NCOR2: variants seen among roughly 807,000 people sequenced by gnomAD.
The protein encoded by NCOR2 is nuclear receptor corepressor 2.
Under a neutral mutation model 262.9 loss-of-function variants are expected in NCOR2, and 81 were observed. The observed-to-expected ratio is 0.31, with a 90% CI of 0.26 to 0.37. The LOEUF (loss-of-function observed/expected upper bound fraction) is 0.37, where lower values mean the gene tolerates loss of function less well. Among genes scored for constraint, NCOR2 ranks in the 10% least tolerant of loss-of-function variants. The pLI is 1.00. For synonymous variants in NCOR2, 1,659 were observed against 1,559.3 expected (o/e 1.06, Z -1.51); for missense variants, 3,385 against 3,621.4 (o/e 0.93, Z 1.68).
intron 22 of NCOR2, among the ~76,000 whole-genome samples, chr12:124,360,762 C>T (rs1393292013): frequency 2.0e-5 from 3 of 152,120 alleles, no homozygotes; most frequent in Non-Finnish European, 2.9e-5. Context: ...GCCCGCAATG[C>T]CCACCCAGAG....
At chr12:124,406,105 T>C (rs2042259816) in intron 13 of NCOR2, among the ~76,000 whole-genome samples, 2 of 152,228 alleles carry the variant, frequency 1.3e-5, no homozygotes, top group Admixed American at 1.3e-4. Context: ...TACCAGGGAC[T>C]GGCAAACGTT....
At chr12:124,545,924 G>A (rs772072675) in intron 1 of NCOR2, among the ~76,000 whole-genome samples, 10 of 152,176 alleles carry the variant, frequency 6.6e-5, no homozygotes, top group East Asian at 3.8e-4. Flanking sequence ...CAGAGTCTCC[G>A]TGTCACCCAG....
At chr12:124,392,002 T>C (rs900122204) in intron 16 of NCOR2, among the ~76,000 whole-genome samples, 6 of 152,364 alleles carry the variant, frequency 3.9e-5, no homozygotes, top group African/African-American at 1.4e-4. Context: ...CCTCTGGCCT[T>C]GGTCTTCTCC....
chr12:124,386,475 G>A (rs1006992079), intron 16 of NCOR2, among the ~76,000 whole-genome samples: 2 of 152,046 alleles, frequency 1.3e-5, no homozygotes, highest in Non-Finnish European at 2.9e-5. Flanking sequence ...GCACCTCCAG[G>A]GCCCAAACTC....
chr12:124,430,969 C>T (rs2043878779), intron 8 of NCOR2, among the ~76,000 whole-genome samples, 182 bp from the exon 11 acceptor site: 1 of 151,938 alleles, frequency 6.6e-6, no homozygotes, highest in South Asian at 2.1e-4. Context: ...CACACACATA[C>T]AGTCAGATAC....
intron 1 of NCOR2, among the ~76,000 whole-genome samples, chr12:124,520,017 G>A (rs1273834375): frequency 1.3e-5 from 2 of 152,232 alleles, no homozygotes; most frequent in African/African-American, 4.8e-5. Flanking sequence ...GACCAGATTT[G>A]CCTGTGACAG....
chr12:124,452,284 G>A (rs529063507), intron 6 of NCOR2, among the ~76,000 whole-genome samples: 32 of 152,342 alleles, frequency 2.1e-4, no homozygotes, highest in African/African-American at 7.2e-4. Flanking sequence ...AGATGCCCAT[G>A]CTGTAACCCG....
At chr12:124,537,484 C>T (rs79601641), upstream of NCOR2, among the ~76,000 whole-genome samples, 6,154 of 152,300 alleles carry the variant, frequency 0.04, 394 homozygotes, top group African/African-American at 0.14. Flanking sequence ...CTGGCCTCCA[C>T]CCTCTCCTAG....
chr12:124,376,764 CT>C (rs1307823432), intron 18 of NCOR2, among the ~76,000 whole-genome samples: 2 of 152,226 alleles, frequency 1.3e-5, no homozygotes, highest in African/African-American at 4.8e-5. Context: ...CTTGCACCTT[CT>C]GCCAGGGAGA....
At chr12:124,329,509 G>C (rs1306880201) in intron 44 of NCOR2, among the ~76,000 whole-genome samples, 1 of 151,922 alleles carries the variant, frequency 6.6e-6, no homozygotes, top group African/African-American at 2.4e-5. Context: ...AGTCGAGGTG[G>C]GAGGATCCTC....
At chr12:124,433,193 G>A (rs1002566081) in intron 8 of NCOR2, among the ~76,000 whole-genome samples, 1 of 152,228 alleles carries the variant, frequency 6.6e-6, no homozygotes, top group Non-Finnish European at 1.5e-5. Flanking sequence ...GCTGTGCCAG[G>A]AACGCGCTGG....
Position 124,566,273 on chromosome 12 carries a change from C to A in NCOR2, c.-165+1035G>T, listed in dbSNP as rs2052234135. ...AGCCGACAGAACAGATCCGCCCCCG[C>A]TGCCTGCACCAGACCCTCGGAGAGC... On this transcript the variant is annotated intron_variant, in intron 1 of 32. Coordinates refer to the NCOR2 transcript ENST00000458234. The surrounding 1 kb of genome is among the most constrained non-coding windows in gnomAD (Gnocchi z 4.3). 6.6e-6 allele frequency among the ~76,000 whole-genome samples: 1 copy of A among 152,260 alleles called. No homozygotes were observed. The highest frequency in any genetic ancestry group is 1.5e-5 in the Non-Finnish European group (1 of 68,054).
chr12:124,438,553 C>A (rs1381325103), intron 7 of NCOR2, among the ~76,000 whole-genome samples: 7 of 151,932 alleles, frequency 4.6e-5, no homozygotes, highest in African/African-American at 1.7e-4. Context: ...TCAGGAAACC[C>A]CCGGGCGGGG....
intron 18 of NCOR2, among the ~76,000 whole-genome samples, chr12:124,374,666 A>T (rs2039849551): frequency 6.6e-6 from 1 of 152,222 alleles, no homozygotes; most frequent in Non-Finnish European, 1.5e-5. Context: ...GCCACAGGTG[A>T]CCTGCAATAG....
At chr12:124,564,491 C>T (rs1240231283) in intron 1 of NCOR2, among the ~76,000 whole-genome samples, 1 of 152,154 alleles carries the variant, frequency 6.6e-6, no homozygotes, top group Non-Finnish European at 1.5e-5. Context: ...AAAACACACA[C>T]ACACAAATAA....
chr12:124,362,035 G>C (rs1208823778), intron 22 of NCOR2, 91 bp downstream of exon 24: 2 of 1,143,470 alleles, frequency 1.7e-6, no homozygotes, highest in African/African-American at 3.2e-5. Context: ...GTGGCCATGG[G>C]GTTTGCAGCA....
At position 124,325,511 on chromosome 12, in the gene NCOR2, G is replaced by A. The variant is rs1177439090; in HGVS notation, c.7436C>T (p.Pro2479Leu). 1.8e-5 allele frequency: 25 copies of A among 1,356,188 alleles called. No homozygotes were observed. The highest frequency in any genetic ancestry group is 5.9e-5 in the East Asian group (2 of 33,816). 84.0% of individuals were successfully genotyped at this position (1,356,188 alleles called of 1,614,324 possible). Residue 2479 changes from proline to leucine, a missense_variant, in exon 47 of 47, where the codon CCG (proline) becomes CTG (leucine). Coordinates refer to ENST00000405201, the Ensembl canonical transcript of NCOR2. ...GGGCCCGCTGCCCGCGGGGAGGCCC[G>A]GTGGGGGTGGGGAAGCCATGACACC...
At chr12:124,533,457 C>A (rs927340352) in intron 1 of NCOR2, among the ~76,000 whole-genome samples, 1 of 152,074 alleles carries the variant, frequency 6.6e-6, no homozygotes, top group African/African-American at 2.4e-5. Context: ...CACTTTGAAA[C>A]TGCAACCCCC....
chr12:124,509,495 A>G (rs2049268691), intron 1 of NCOR2, among the ~76,000 whole-genome samples: 1 of 152,172 alleles, frequency 6.6e-6, no homozygotes, highest in African/African-American at 2.4e-5. Context: ...CATTGCAACC[A>G]AGAGACCTAA....
Sources: gnomAD v4.1 joint callset for allele counts (sites outside exome capture counted in the v4.1 genomes callset) on GRCh38, gnomAD v4.1.1 for gene constraint, Gnocchi (gnomAD v3.1) non-coding constraint, MANE v1.5 for transcripts, NCBI Gene and HGNC (gene_info 2026-07-23, HGNC 2026-07-21) for gene names.